Variants in KDM2A observed in about 807,000 individuals in gnomAD.
KDM2A encodes lysine-specific demethylase 2A.
Under a neutral mutation model 137.3 loss-of-function variants are expected in KDM2A, and 3 were observed. The observed-to-expected ratio is 0.02, with a 90% CI of 0.01 to 0.06. The LOEUF (loss-of-function observed/expected upper bound fraction) is 0.06. Ranked by LOEUF, KDM2A falls within the 10% of genes least tolerant of loss-of-function variation. The probability of loss-of-function intolerance (pLI) is 1.00; values close to 1 mark genes in which losing one functional copy is unlikely to be tolerated. For missense variants in KDM2A, 738 were observed against 1,510.6 expected, an observed-to-expected ratio of 0.49 and a Z score of 8.48; for synonymous variants, 512 against 541.5, an observed-to-expected ratio of 0.95 and a Z score of 0.76.
chr11:67,144,632 G>T (rs1185339943), intron 2 of KDM2A, among the ~76,000 whole-genome samples: 1 of 151,396 alleles, frequency 6.6e-6, no homozygotes, highest in Non-Finnish European at 1.5e-5. Context: ...CAGTGGAACA[G>T]TAATAGCTCA....
At chr11:67,234,989 AC>A (rs1283552766) in intron 12 of KDM2A, among the ~76,000 whole-genome samples, 4 of 151,834 alleles carry the variant, frequency 2.6e-5, no homozygotes, top group Admixed American at 6.6e-5. Context: ...TAGAAAAAAT[AC>A]AAAAATTAGC....
rs756808280 is a variant in KDM2A at position 67,252,877 on chromosome 11, G to A, written c.2932+20G>A. ...TGCCAGGTAAGTGAGCAGCCCTGCCGCTGTCTTTCCAGGGGCCCAGAAGAA... is the reference window on the plus strand; with the variant it reads ...TGCCAGGTAAGTGAGCAGCCCTGCCACTGTCTTTCCAGGGGCCCAGAAGAA... On this transcript the variant is annotated intron_variant, in intron 18 of 20. Transcript: ENST00000529006. 8.2e-6 allele frequency: 13 copies of A among 1,589,680 alleles called. No homozygotes were observed. Among genetic ancestry groups the A allele is most frequent in the Non-Finnish European group, 1.0e-5 (12 of 1,165,336 alleles).
At chr11:67,196,505 A>G in intron 5 of KDM2A, 1 of 455,856 alleles carries the variant, frequency 2.2e-6, no homozygotes, top group Non-Finnish European at 4.4e-6. Flanking sequence ...ATACTTTAGC[A>G]TAATGTGCTA....
Position 67,250,387 on chromosome 11 carries a change from T to C in KDM2A, c.2357T>C (p.Leu786Pro). Residue 786 changes from leucine to proline, a missense_variant, in exon 17 of 21, where the codon CTG (leucine) becomes CCG (proline). Physicochemically the swap from Leu to Pro is moderately conservative, Grantham distance 98. This residue lies in a region of KDM2A where 244 missense variants were observed against 324.6 expected (regional missense o/e 0.75). Transcript: ENST00000529006. This position sits in a 1 kb window ranked among gnomAD's most constrained non-coding sequence, Gnocchi z 7.1. ...AACAATCCCAGCGGCAAAAAGGAGC[T>C]GTCTGAAGTTGAGAAAGCCAAGATC... ...KENNPSGKKE[L>P]SEVEKAKIRG... The C allele has an allele frequency of 6.2e-7, 1 of 1,614,022 alleles. No individual in the cohort carries two copies. Among genetic ancestry groups the C allele is most frequent in the South Asian group, 1.1e-5 (1 of 91,090 alleles).
chr11:67,255,458 A>C lies in KDM2A; in HGVS notation c.*403A>C, dbSNP rs2136471120. 4 of 457,292 alleles carry C rather than the reference A, an allele frequency of 8.7e-6. No individual in the cohort carries two copies. The highest frequency in any genetic ancestry group is 2.0e-5 in the African/African-American group (1 of 50,022). The allele number at this position is 457,292 out of a possible 1,614,324, so 28.3% of individuals were successfully genotyped here. ...TTCTGAGCAAACTCCCAGGGAAGAAAACGGCCCTGTCTCCATGGCCAGGTT... is the reference window on the plus strand; with the variant it reads ...TTCTGAGCAAACTCCCAGGGAAGAACACGGCCCTGTCTCCATGGCCAGGTT... On this transcript the variant is annotated 3_prime_UTR_variant, in exon 21 of 21. Transcript: ENST00000529006.
At chr11:67,172,235 C>CTT (rs1856894346) in intron 2 of KDM2A, among the ~76,000 whole-genome samples, 1 of 151,996 alleles carries the variant, frequency 6.6e-6, no homozygotes, top group Non-Finnish European at 1.5e-5. Context: ...CTTTTGTTCT[C>CTT]TTTAAGGATT....
At chr11:67,247,071 ATTTTTTTTT>A (rs1156333048) in intron 15 of KDM2A, among the ~76,000 whole-genome samples, 5 of 16,786 alleles carry the variant, frequency 3.0e-4, no homozygotes, top group African/African-American at 1.0e-3. Flanking sequence ...ATATATATAT[ATTTTTTTTT>A]TTTTTTTTTT....
At chr11:67,194,954 A>T (rs1483249500) in intron 5 of KDM2A, among the ~76,000 whole-genome samples, 2 of 152,202 alleles carry the variant, frequency 1.3e-5, no homozygotes, top group Non-Finnish European at 2.9e-5. Flanking sequence ...TGGCTTCTCA[A>T]TTATTACAGG....
At position 67,255,599 on chromosome 11, in the gene KDM2A, T is replaced by A; in HGVS notation, c.*544T>A. 2.2e-6 allele frequency: 1 copy of A among 456,602 alleles called. No homozygotes were observed. The highest frequency in any genetic ancestry group is 4.4e-6 in the Non-Finnish European group (1 of 226,894). The allele number at this position is 456,602 out of a possible 1,614,324, so 28.3% of individuals were successfully genotyped here. ...CGATCACACTGGTGCTGTTGAGATC[T>A]CCCAAACCTCACGTCCTTAACTGTG... On this transcript the variant is annotated 3_prime_UTR_variant, in exon 21 of 21. Transcript: ENST00000529006.
chr11:67,167,229 ATGT>A (rs781085297), intron 2 of KDM2A, among the ~76,000 whole-genome samples: 1 of 152,184 alleles, frequency 6.6e-6, no homozygotes, highest in African/African-American at 2.4e-5. Context: ...CTTCAAGATG[ATGT>A]TGAGATGCCT....
intron 2 of KDM2A, among the ~76,000 whole-genome samples, chr11:67,174,921 T>C (rs74855080): frequency 2.4e-4 from 36 of 152,338 alleles, no homozygotes; most frequent in African/African-American, 7.7e-4. Flanking sequence ...ACACTGGGCC[T>C]AGTGAGGACT....
At chr11:67,120,628 A>C (rs2136273448) in intron 1 of KDM2A, among the ~76,000 whole-genome samples, 1 of 152,280 alleles carries the variant, frequency 6.6e-6, no homozygotes, top group Non-Finnish European at 1.5e-5. Context: ...AATTTGTTTC[A>C]GAGTTGTGCA....
At chr11:67,192,943 T>G (rs1055407792) in intron 5 of KDM2A, among the ~76,000 whole-genome samples, 1 of 152,190 alleles carries the variant, frequency 6.6e-6, no homozygotes, top group Non-Finnish European at 1.5e-5. Context: ...TTGTTCCATA[T>G]TCACTCAAAT....
Position 67,255,661 on chromosome 11 carries a change from C to T in KDM2A, c.*606C>T. On this transcript the variant is annotated 3_prime_UTR_variant, in exon 21 of 21. Coordinates refer to ENST00000529006, the MANE Select transcript of KDM2A (RefSeq NM_012308.3). ...TTCCTCTCCCTTGAGCTTGGTTCTG[C>T]CCAGCACTCGTGCTTGTTCACATAA... is the stretch of plus-strand genomic sequence containing the variant. 1 of 439,616 alleles carries T rather than the reference C, an allele frequency of 2.3e-6. No homozygotes were observed. The highest frequency in any genetic ancestry group is 1.6e-5 in the South Asian group (1 of 62,676). The allele number at this position is 439,616 out of a possible 1,614,324, so 27.2% of individuals were successfully genotyped here.
At chr11:67,230,768 C>T (rs1167840166) in intron 11 of KDM2A, among the ~76,000 whole-genome samples, 4 of 151,992 alleles carry the variant, frequency 2.6e-5, no homozygotes, top group East Asian at 1.9e-4. Flanking sequence ...TACCGCTTTG[C>T]GCCTTCTTGC....
At chr11:67,215,241 GT>G (rs1212503379) in intron 6 of KDM2A, 98 bp from the exon 7 acceptor site, 4 of 664,302 alleles carry the variant, frequency 6.0e-6, no homozygotes, top group Non-Finnish European at 7.6e-6. Flanking sequence ...ATAGTTTTTT[GT>G]TATGTATTTT....
At chr11:67,145,161 C>T (rs533966957) in intron 2 of KDM2A, among the ~76,000 whole-genome samples, 5 of 151,446 alleles carry the variant, frequency 3.3e-5, no homozygotes, top group African/African-American at 7.3e-5. Context: ...TGTGAGCCAC[C>T]GTGCCCGACC....
chr11:67,196,506 T>C, intron 5 of KDM2A: 2 of 455,866 alleles, frequency 4.4e-6, no homozygotes, highest in Non-Finnish European at 8.8e-6. Flanking sequence ...TACTTTAGCA[T>C]AATGTGCTAT....
chr11:67,198,489 G>C (rs189381894), intron 5 of KDM2A, among the ~76,000 whole-genome samples: 1 of 151,942 alleles, frequency 6.6e-6, no homozygotes, highest in Non-Finnish European at 1.5e-5. Context: ...TTGGGAGGCC[G>C]AGGCGGGCGG....
Sources: allele counts gnomAD v4.1 joint callset (sites outside exome capture counted in the v4.1 genomes callset), GRCh38; gene constraint gnomAD v4.1.1; regional missense constraint gnomAD v4.1.1; non-coding constraint Gnocchi (gnomAD v3.1); transcripts MANE v1.5; gene names NCBI Gene and HGNC (gene_info 2026-07-23, HGNC 2026-07-21).